The following CEP290 variants were observed in gnomAD, a reference collection of about 807,000 sequenced individuals.
The protein encoded by CEP290 is centrosomal protein 290, also known as centrosomal protein of 290 kDa.
In CEP290, 317 loss-of-function variants were observed where a neutral mutation model predicts 344.9. The ratio of observed to expected loss-of-function variants is 0.92; its 90% confidence interval spans 0.84 to 1.01. The LOEUF is 1.01. Among genes scored for constraint, CEP290 ranks in the 50% least tolerant of loss-of-function variants. The probability of loss-of-function intolerance (pLI) is 0.00; values close to 1 mark genes in which losing one functional copy is unlikely to be tolerated. For synonymous variants in CEP290, 932 were observed against 895.8 expected (o/e 1.04, Z -0.72); for missense variants, 2,754 against 2,761.4 (o/e 1.00, Z 0.06).
At chr12:88,131,718 G>C (rs947466390) in intron 6 of CEP290, among the ~76,000 whole-genome samples, 1 of 151,986 alleles carries the variant, frequency 6.6e-6, no homozygotes, top group Non-Finnish European at 1.5e-5. Flanking sequence ...AAGGATTTAA[G>C]GATTAAACAG....
chr12:88,098,828 T>C lies in CEP290; in HGVS notation c.2992-1829A>G, dbSNP rs112114671. Among the ~76,000 whole-genome samples the C allele has an allele frequency of 2.0e-5, 3 of 151,644 alleles. No homozygotes were observed. In the East Asian group the frequency reaches 5.8e-4, roughly 29 times the overall value. On this transcript the variant is annotated intron_variant, in intron 26 of 53. Coordinates refer to ENST00000552810, the MANE Select transcript of CEP290 (RefSeq NM_025114.4). ...TACTATAAGATCTGAGAGGAAAAAA[T>C]GATTGAAATGATTGGAGCAGGAAAT...
Position 88,120,157 on chromosome 12 carries a change from G to T in CEP290, c.1479C>A (p.Ile493=). 6.5e-7 allele frequency: 1 copy of T among 1,540,150 alleles called. No individual in the cohort carries two copies. Among genetic ancestry groups the T allele is most frequent in the African/African-American group, 1.4e-5 (1 of 72,836 alleles). Residue 493 remains isoleucine (I), a synonymous_variant, in exon 15 of 54, where the codon ATC becomes ATA. Coordinates refer to ENST00000552810, the MANE Select transcript of CEP290 (RefSeq NM_025114.4). ...TKEINKLELK[I]SDFLDENEAL... is the part of the protein sequence containing the mutation. Reference sequence around the variant, plus strand: ...CCTCATTTTCATCAAGGAAATCACTGATCTTCAATTCAAGTTTATTGATTT... The same window carrying T: ...CCTCATTTTCATCAAGGAAATCACTTATCTTCAATTCAAGTTTATTGATTT...
At chr12:88,130,739 T>C (rs556286282) in intron 7 of CEP290, among the ~76,000 whole-genome samples, 174 bp from the exon 8 acceptor site, 1 of 152,138 alleles carries the variant, frequency 6.6e-6, no homozygotes, top group Non-Finnish European at 1.5e-5. Context: ...ATTTCAATTA[T>C]GTTAGAAACT....
At chr12:88,103,970 T>G (rs1471672473) in intron 25 of CEP290, 2 of 151,990 alleles carry the variant, frequency 1.3e-5, no homozygotes, top group Non-Finnish European at 2.9e-5. Context: ...CTTCAATTGT[T>G]GGGAGAAAAA....
chr12:88,135,976 G>C (rs1287594301), intron 6 of CEP290: 4 of 151,920 alleles, frequency 2.6e-5, no homozygotes, highest in Non-Finnish European at 5.9e-5. Context: ...TTTTCTTCCA[G>C]GAAATACAAG....
chr12:88,114,666 A>G, intron 19 of CEP290, 104 bp from the exon 20 acceptor site: 1 of 971,878 alleles, frequency 1.0e-6, no homozygotes, highest in South Asian at 2.0e-5. Context: ...ACATCATTGG[A>G]AAAATCCAAA....
chr12:88,093,507 G>A (rs1326979534), intron 28 of CEP290: 3 of 340,232 alleles, frequency 8.8e-6, no homozygotes, highest in Non-Finnish European at 1.6e-5. Flanking sequence ...GGATGGTGGT[G>A]AAAGGCAATT....
intron 6 of CEP290, among the ~76,000 whole-genome samples, chr12:88,135,216 T>C (rs933393955): frequency 3.3e-5 from 5 of 152,102 alleles, no homozygotes; most frequent in Non-Finnish European, 7.4e-5. Flanking sequence ...AAGCAACCCA[T>C]ACCCATATTT....
Position 88,106,678 on chromosome 12 carries a change from A to C in CEP290, c.2814T>G (p.Phe938Leu). 1 of 1,603,122 alleles carries C rather than the reference A, an allele frequency of 6.2e-7. No homozygotes were observed. Among genetic ancestry groups the C allele is most frequent in the Non-Finnish European group, 8.5e-7 (1 of 1,174,838 alleles). ...GCAAAATAAGAATCAGATGTACCTT[A>C]AATCTTTGCAAACACCCAATTTTTT... The part of the protein sequence containing the change: ...VCEKIGCLQR[F>L]KEMAIFKIAA... The change falls in exon 25 of 54, where the codon TTT becomes TTG. Residue 938 changes from phenylalanine to leucine, a missense_variant. Physicochemically the swap from Phe to Leu is conservative, Grantham distance 22. Transcript: ENST00000552810.
At chr12:88,127,607 A>C (rs1292082756) in intron 11 of CEP290, among the ~76,000 whole-genome samples, 2 of 152,200 alleles carry the variant, frequency 1.3e-5, no homozygotes, top group African/African-American at 2.4e-5. Context: ...AAAATAATAA[A>C]TTTAACTAAG....
chr12:88,090,801 T>G lies in CEP290; in HGVS notation c.3500A>C (p.Glu1167Ala), dbSNP rs944295351. 4 of 1,560,738 alleles carry G rather than the reference T, an allele frequency of 2.6e-6. No individual in the cohort carries two copies. The highest frequency in any genetic ancestry group is 1.9e-5 in the Admixed American group (1 of 51,804). The change falls in exon 30 of 54, where the codon GAA becomes GCA. Residue 1167 changes from glutamate (E) to alanine (A), a missense_variant. Glu to Ala is a moderately radical substitution (Grantham distance 107, BLOSUM62 -1). Transcript: ENST00000552810. ...AGATTGTTGTTGTGCATTCAAAATT[T>G]CAACTTGTCTTCTGGCAATATCAGA... The part of the protein sequence containing the change: ...EISDIARRQV[E>A]ILNAQQQSRD...
At chr12:88,091,828 T>C (rs2037068800) in intron 29 of CEP290, among the ~76,000 whole-genome samples, 1 of 152,196 alleles carries the variant, frequency 6.6e-6, no homozygotes, top group South Asian at 2.1e-4. Flanking sequence ...GTGCTCCTTA[T>C]ACTTTTCTAC....
intron 52 of CEP290, 88 bp downstream of exon 52, chr12:88,053,564 T>G (rs2033739955): frequency 9.3e-6 from 6 of 646,906 alleles, no homozygotes; most frequent in Non-Finnish European, 1.7e-5. Context: ...GAGACAATGA[T>G]CAGAAATCTG....
rs1403821904 is a variant in CEP290 at position 88,089,318 on chromosome 12, G to A, written c.3743C>T (p.Ala1248Val). Residue 1248 changes from alanine to valine, a missense_variant, in exon 31 of 54, where the codon GCT becomes GTT. Transcript: ENST00000552810. ...TCCCTCCAAACGAGCATAATAGAGA[G>A]CCTGTTCTTTTTCATCAAGTTTCTG... ...LEQKLDEKEQALYYARLEGRN... is the reference protein window; with the variant it reads ...LEQKLDEKEQVLYYARLEGRN... 1 of 1,613,896 alleles carries A rather than the reference G, an allele frequency of 6.2e-7. No individual in the cohort carries two copies. Among genetic ancestry groups the A allele is most frequent in the East Asian group, 2.2e-5 (1 of 44,862 alleles).
At chr12:88,085,866 T>C (rs1277267426) in intron 34 of CEP290, among the ~76,000 whole-genome samples, 173 bp downstream of exon 34, 1 of 152,188 alleles carries the variant, frequency 6.6e-6, no homozygotes, top group Non-Finnish European at 1.5e-5. Flanking sequence ...TCAAATTAAC[T>C]ATATCTGCTG....
chr12:88,094,533 T>C (rs1317771960), intron 27 of CEP290, among the ~76,000 whole-genome samples: 1 of 152,110 alleles, frequency 6.6e-6, no homozygotes, highest in Non-Finnish European at 1.5e-5. Flanking sequence ...CTTTTATTAG[T>C]AGTTATGCCT....
In CEP290 at chr12:88,131,176, A is replaced by T; in HGVS notation, c.484T>A (p.Leu162Ile). 1 of 1,521,374 alleles carries T rather than the reference A, an allele frequency of 6.6e-7. No individual in the cohort carries two copies. The highest frequency in any genetic ancestry group is 8.8e-7 in the Non-Finnish European group (1 of 1,140,152). The allele number at this position is 1,521,374 out of a possible 1,614,324, so 94.2% of individuals were successfully genotyped here. A position where few individuals can be genotyped will look rare whatever the true frequency, so the allele number is the denominator to read the frequency against. The part of the protein sequence containing the change: ...NEEAENENSK[L>I]RRENKRLKKK... ...CTAAAATTTTTTACCTCTCTTCTTA[A>T]TTTGCTGTTTTCATTTTCTGCCTCC... The change falls in exon 7 of 54, where the codon TTA (leucine) becomes ATA (isoleucine). Residue 162 changes from leucine (L) to isoleucine (I), a missense_variant. Coordinates refer to ENST00000552810, the MANE Select transcript of CEP290 (RefSeq NM_025114.4).
At chr12:88,065,601 A>G (rs373630165) in intron 44 of CEP290, among the ~76,000 whole-genome samples, 2 of 152,298 alleles carry the variant, frequency 1.3e-5, no homozygotes, top group South Asian at 2.1e-4. Context: ...GAGCTCTTCT[A>G]TCTCCCAAAC....
chr12:88,083,793 T>C lies in CEP290; in HGVS notation c.4812+54A>G, dbSNP rs1008717014. On this transcript the variant is annotated intron_variant, in intron 36 of 53. Transcript: ENST00000552810. ...AAAAAAGAAGAGAGCTGAATTTTAA[T>C]TTACATGGTCACAAAAATCAATAAA... 4.4e-5 allele frequency: 51 copies of C among 1,167,658 alleles called. No individual in the cohort carries two copies. The South Asian group carries it at 5.7e-4, about 13-fold the overall frequency. 72.3% of individuals were successfully genotyped at this position (1,167,658 alleles called of 1,614,324 possible).
Sources: gnomAD v4.1 joint callset for allele counts (sites outside exome capture counted in the v4.1 genomes callset) on GRCh38, gnomAD v4.1.1 for gene constraint, MANE v1.5 for transcripts, NCBI Gene and HGNC (gene_info 2026-07-23, HGNC 2026-07-21) for gene names.